Variants in GABBR2 observed in about 807,000 individuals in gnomAD.
GABBR2 encodes gamma-aminobutyric acid type B receptor subunit 2.
GABBR2 carries 23 observed loss-of-function variants against 105.6 expected under a neutral mutation model. The ratio of observed to expected loss-of-function variants is 0.22; its 90% CI spans 0.16 to 0.31. The LOEUF is 0.31. Ranked by LOEUF, GABBR2 falls within the 10% of genes least tolerant of loss-of-function variation. The pLI is 1.00. For missense variants in GABBR2, 734 were observed against 1,245.5 expected, an observed-to-expected ratio of 0.59 and a Z score of 6.18; for synonymous variants, 478 against 499.7, an observed-to-expected ratio of 0.96 and a Z score of 0.58.
intron 1 of GABBR2, among the ~76,000 whole-genome samples, chr9:98,598,925 AAGCCTCTTAT>A (rs1829278642): frequency 6.6e-6 from 1 of 152,070 alleles, no homozygotes; most frequent in African/African-American, 2.4e-5. Context: ...TTTTATTAAC[AAGCCTCTTAT>A]AGACATAAAT....
In GABBR2 at chr9:98,389,042, C is replaced by T. The variant is rs146582897; in HGVS notation, c.1379-38G>A. ...GAGAAGACATCAGTGGGACCCAATG[C>T]AAGTCATTCCCCGAGAACACCTTTG... On this transcript the variant is annotated intron_variant, in intron 9 of 18. Coordinates refer to ENST00000259455, the MANE Select transcript of GABBR2 (RefSeq NM_005458.8). The T allele has an allele frequency of 5.4e-4, 853 of 1,576,852 alleles. 3 individuals are homozygous for T. In the African/African-American group the frequency reaches 0.01, roughly 19 times the overall value.
At chr9:98,520,032 C>G (rs1275456543) in intron 3 of GABBR2, among the ~76,000 whole-genome samples, 1 of 152,166 alleles carries the variant, frequency 6.6e-6, no homozygotes, top group Non-Finnish European at 1.5e-5. Flanking sequence ...TATGTCCCCA[C>G]TGCTGGGCTA....
At chr9:98,456,593 G>C (rs549238189) in intron 6 of GABBR2, among the ~76,000 whole-genome samples, 3 of 152,072 alleles carry the variant, frequency 2.0e-5, no homozygotes, top group Admixed American at 1.3e-4. Context: ...ACCTGCTTAG[G>C]CCCTTTTTAG....
In GABBR2 at chr9:98,385,694, G is replaced by A. The variant is rs2131489514; in HGVS notation, c.1608C>T (p.Leu536=). The change falls in exon 11 of 19, where the codon CTC becomes CTT. Residue 536 remains leucine (L), a synonymous_variant. Transcript: ENST00000259455. ...GGMLSYASIF[L]FGLDGSFVSE... ...AGACAAAGGATCCATCAAGGCCAAAGAGAAATATGGAAGCATAGGAGAGCA... is the reference window on the plus strand; with the variant it reads ...AGACAAAGGATCCATCAAGGCCAAAAAGAAATATGGAAGCATAGGAGAGCA... 1 of 1,611,582 alleles carries A rather than the reference G, an allele frequency of 6.2e-7. No homozygotes were observed. The highest frequency in any genetic ancestry group is 2.2e-5 in the East Asian group (1 of 44,868).
intron 2 of GABBR2, among the ~76,000 whole-genome samples, chr9:98,551,028 C>T (rs1329473798): frequency 6.6e-6 from 1 of 152,050 alleles, no homozygotes; most frequent in Admixed American, 6.6e-5. Context: ...GAGAAATGAC[C>T]CAACCACCCA....
At chr9:98,597,200 T>C (rs1295440293) in intron 1 of GABBR2, among the ~76,000 whole-genome samples, 2 of 152,172 alleles carry the variant, frequency 1.3e-5, no homozygotes, top group Non-Finnish European at 2.9e-5. Flanking sequence ...CAAGATTCCA[T>C]ACATGTTGCT....
chr9:98,292,864 C>T (rs1193933767), intron 18 of GABBR2, among the ~76,000 whole-genome samples: 1 of 152,166 alleles, frequency 6.6e-6, no homozygotes, highest in African/African-American at 2.4e-5. Flanking sequence ...GTGCAGGGGA[C>T]ACATGAAGGA....
intron 7 of GABBR2, among the ~76,000 whole-genome samples, chr9:98,411,569 T>G (rs79144125): frequency 6.6e-6 from 1 of 151,700 alleles, no homozygotes; most frequent in Non-Finnish European, 1.5e-5. Context: ...ATTTTTTTTT[T>G]GTTTTGTTTT....
At chr9:98,553,147 G>C (rs866452884) in intron 2 of GABBR2, among the ~76,000 whole-genome samples, 138 of 152,136 alleles carry the variant, frequency 9.1e-4, no homozygotes, top group African/African-American at 3.1e-3. Flanking sequence ...GCTTCCAAAA[G>C]TGCTGGGATT....
At chr9:98,678,237 G>A (rs1232700648) in intron 1 of GABBR2, among the ~76,000 whole-genome samples, 3 of 152,132 alleles carry the variant, frequency 2.0e-5, no homozygotes, top group Non-Finnish European at 4.4e-5. Flanking sequence ...TTTTCACCTT[G>A]ATCATATTGT....
intron 2 of GABBR2, among the ~76,000 whole-genome samples, chr9:98,553,240 C>T (rs1333252881): frequency 1.3e-5 from 2 of 151,898 alleles, no homozygotes; most frequent in Non-Finnish European, 2.9e-5. Flanking sequence ...CCTTTGTTTC[C>T]TGTGGGAGAA....
chr9:98,409,263 G>T (rs1481149162), intron 7 of GABBR2, among the ~76,000 whole-genome samples: 1 of 152,220 alleles, frequency 6.6e-6, no homozygotes, highest in Non-Finnish European at 1.5e-5. Context: ...AGGGTGGGGA[G>T]GTGAAGCGGA....
At chr9:98,646,402 A>G (rs545627059) in intron 1 of GABBR2, among the ~76,000 whole-genome samples, 2 of 152,210 alleles carry the variant, frequency 1.3e-5, no homozygotes, top group African/African-American at 4.8e-5. Context: ...AGTGTGTCCT[A>G]TGTGACTCCA....
At chr9:98,463,440 G>A (rs1332785497) in intron 6 of GABBR2, among the ~76,000 whole-genome samples, 1 of 152,154 alleles carries the variant, frequency 6.6e-6, no homozygotes, top group Non-Finnish European at 1.5e-5. Context: ...GACAAGAATA[G>A]CCAAGACAGT....
At chr9:98,310,947 G>A (rs1830625703) in intron 14 of GABBR2, 148 bp downstream of exon 14, 1 of 579,312 alleles carries the variant, frequency 1.7e-6, no homozygotes, top group East Asian at 2.9e-5. Context: ...CAGGAACTGA[G>A]ATAGCATGTG....
At chr9:98,500,204 T>A (rs1827371950) in intron 3 of GABBR2, among the ~76,000 whole-genome samples, 1 of 152,260 alleles carries the variant, frequency 6.6e-6, no homozygotes, top group South Asian at 2.1e-4. Context: ...GAATAACTCT[T>A]AATTCCCAAT....
intron 1 of GABBR2, among the ~76,000 whole-genome samples, chr9:98,687,130 C>T (rs762395711): frequency 6.6e-6 from 1 of 151,612 alleles, no homozygotes; most frequent in Non-Finnish European, 1.5e-5. Flanking sequence ...GCAGTGAAAA[C>T]AAATTTTATT....
chr9:98,608,557 G>A (rs557700599), intron 1 of GABBR2, among the ~76,000 whole-genome samples: 1 of 152,156 alleles, frequency 6.6e-6, no homozygotes, highest in East Asian at 1.9e-4. Context: ...ATAATACAAA[G>A]GTTCCATTCA....
rs201357134 is a variant in GABBR2 at position 98,579,062 on chromosome 9, T to A, written c.322-990A>T. Among the ~76,000 whole-genome samples the A allele has an allele frequency of 4.6e-5, 7 of 152,254 alleles. No homozygotes were observed. In the East Asian group the frequency reaches 1.4e-3, roughly 29 times the overall value. On this transcript the variant is annotated intron_variant, in intron 1 of 18. Transcript: ENST00000259455. ...GGTGATGGTAGCTCAGCAATGTAGA[T>A]GTACTTAATGCCACTGAACTGTACA...
Sources: gnomAD v4.1 joint callset for allele counts (sites outside exome capture counted in the v4.1 genomes callset) on GRCh38, gnomAD v4.1.1 for gene constraint, MANE v1.5 for transcripts, NCBI Gene and HGNC (gene_info 2026-07-23, HGNC 2026-07-21) for gene names.